Variants in VPS13A observed in about 807,000 individuals in gnomAD.
VPS13A encodes intermembrane lipid transfer protein VPS13A.
Under a neutral mutation model 390.9 loss-of-function variants are expected in VPS13A, and 264 were observed. The observed-to-expected ratio is 0.68, with a 90% CI of 0.61 to 0.75. VPS13A has a LOEUF of 0.75. Among genes scored for constraint, VPS13A ranks in the 30% least tolerant of loss-of-function variants. VPS13A has a pLI of 0.00. For missense variants in VPS13A, 3,409 were observed against 3,733.9 expected, an observed-to-expected ratio of 0.91 and a Z score of 2.27; for synonymous variants, 1,231 against 1,227.1, an observed-to-expected ratio of 1.00 and a Z score of -0.07.
intron 51 of VPS13A, among the ~76,000 whole-genome samples, chr9:77,344,749 A>G (rs926390749): frequency 6.6e-6 from 1 of 150,478 alleles, no homozygotes; most frequent in Non-Finnish European, 1.5e-5. Context: ...ACAGAGCAAG[A>G]CTCCGTCTCA....
chr9:77,236,270 C>T (rs942138354), intron 17 of VPS13A, among the ~76,000 whole-genome samples: 15 of 152,114 alleles, frequency 9.9e-5, no homozygotes, highest in African/African-American at 3.1e-4. Context: ...TAATTTCTGT[C>T]GATTTATATT....
intron 54 of VPS13A, among the ~76,000 whole-genome samples, chr9:77,354,840 C>G (rs1831675469): frequency 6.6e-6 from 1 of 152,144 alleles, no homozygotes; most frequent in Non-Finnish European, 1.5e-5. Flanking sequence ...CCAGCGTTTG[C>G]ATACTACTTG....
chr9:77,287,698 A>G (rs1337948961), intron 31 of VPS13A, among the ~76,000 whole-genome samples: 1 of 152,190 alleles, frequency 6.6e-6, no homozygotes, highest in Non-Finnish European at 1.5e-5. Flanking sequence ...AACATTTGAC[A>G]GAAATCTGAG....
chr9:77,278,022 C>A (rs1826787973), intron 26 of VPS13A, among the ~76,000 whole-genome samples: 1 of 152,024 alleles, frequency 6.6e-6, no homozygotes, highest in Non-Finnish European at 1.5e-5. Context: ...TCCCTAGTAA[C>A]CCAGGAACTT....
At chr9:77,271,720 AG>A (rs147758105) in intron 23 of VPS13A, among the ~76,000 whole-genome samples, 4,963 of 152,274 alleles carry the variant, frequency 0.033, 104 homozygotes, top group Non-Finnish European at 0.053. Context: ...AATAGAACGC[AG>A]GATTACTTGG....
intron 1 of VPS13A, among the ~76,000 whole-genome samples, chr9:77,195,260 A>G (rs138413148): frequency 0.2 from 29,830 of 151,920 alleles, 3,365 homozygotes; most frequent in East Asian, 0.4. Context: ...AGTAGCTGGT[A>G]CTGCAGGTGC....
chr9:77,220,149 A>T, intron 11 of VPS13A, 68 bp downstream of exon 11: 1 of 1,535,968 alleles, frequency 6.5e-7, no homozygotes, highest in Non-Finnish European at 8.9e-7. Flanking sequence ...AAGATTTTAA[A>T]TGTTTCACTA....
chr9:77,226,054 A>G (rs1194890135), intron 14 of VPS13A, 66 bp downstream of exon 14: 18 of 1,421,222 alleles, frequency 1.3e-5, no homozygotes, highest in African/African-American at 2.8e-5. Flanking sequence ...CAGATGTGAT[A>G]TTATTAATCT....
Position 77,321,842 on chromosome 9 carries a change from TTTTG to T in VPS13A, c.5830+100_5830+103del, listed in dbSNP as rs1468165618. On this transcript the variant is annotated intron_variant, in intron 44 of 71. Transcript: ENST00000360280. Reference sequence around the variant, plus strand: ...TTTTGTAGAATCTTAGCAAGGTTTTTTTTGTTTTTGTTTTTGTTTTTTTAAAATA... The same window carrying T: ...TTTTGTAGAATCTTAGCAAGGTTTTTTTTTTGTTTTTGTTTTTTTAAAATA... 3 of 1,352,210 alleles carry T rather than the reference TTTTG, an allele frequency of 2.2e-6. No individual in the cohort carries two copies. In the African/African-American group the frequency reaches 4.4e-5, roughly 20 times the overall value. 83.8% of individuals were successfully genotyped at this position (1,352,210 alleles called of 1,614,324 possible). A position where few individuals can be genotyped will look rare whatever the true frequency, so the allele number is the denominator to read the frequency against.
chr9:77,320,877 C>G (rs930896152), intron 42 of VPS13A, among the ~76,000 whole-genome samples: 1 of 151,936 alleles, frequency 6.6e-6, no homozygotes, highest in Non-Finnish European at 1.5e-5. Context: ...GAAGTATGTG[C>G]TTTTATATTC....
rs374375712 is a variant in VPS13A, at chr9:77,281,873, A to G, written c.2911A>G (p.Lys971Glu). The change falls in exon 28 of 72, where the codon AAG becomes GAG. Residue 971 changes from lysine (K) to glutamate (E), a missense_variant. Lys to Glu is a moderately conservative substitution (Grantham distance 56, BLOSUM62 1). Transcript: ENST00000360280. Reference protein sequence around the residue: ...LLTLEYVKAEKNVPDLKSTYN... With the variant: ...LLTLEYVKAEENVPDLKSTYN... ...TTGTTTTCTCTTTGGATAGGCTGAA[A>G]AGAATGTACCCGACTTGAAAAGTAC... 2.5e-5 allele frequency: 40 copies of G among 1,602,198 alleles called. No homozygotes were observed. Among genetic ancestry groups the G allele is most frequent in the Non-Finnish European group, 3.2e-5 (37 of 1,170,310 alleles).
At chr9:77,291,539 T>C (rs190215756) in intron 31 of VPS13A, among the ~76,000 whole-genome samples, 1 of 152,314 alleles carries the variant, frequency 6.6e-6, no homozygotes, top group East Asian at 1.9e-4. Flanking sequence ...ACATTACTGC[T>C]TCAGTTTCCT....
intron 1 of VPS13A, among the ~76,000 whole-genome samples, chr9:77,179,850 G>A (rs1441426302): frequency 6.6e-6 from 1 of 151,998 alleles, no homozygotes; most frequent in African/African-American, 2.4e-5. Flanking sequence ...TGTCCATTAG[G>A]AGTGACTCCC....
At chr9:77,354,340 A>G (rs1831639502) in intron 54 of VPS13A, among the ~76,000 whole-genome samples, 1 of 152,066 alleles carries the variant, frequency 6.6e-6, no homozygotes, top group Admixed American at 6.6e-5. Context: ...AATTGAATCA[A>G]TGCCATTTTA....
intron 47 of VPS13A, 114 bp from the exon 48 acceptor site, chr9:77,339,402 G>T (rs1482147499): frequency 1.0e-6 from 1 of 980,084 alleles, no homozygotes; most frequent in African/African-American, 1.7e-5. Flanking sequence ...GACTTGTTCT[G>T]ATAGGTATTT....
At chr9:77,359,891 A>C (rs940692925) in intron 58 of VPS13A, among the ~76,000 whole-genome samples, 1 of 151,682 alleles carries the variant, frequency 6.6e-6, no homozygotes, top group African/African-American at 2.4e-5. Context: ...GATTTTGGAT[A>C]TTTTATTATT....
intron 45 of VPS13A, 54 bp from the exon 46 acceptor site, chr9:77,331,956 A>T: frequency 7.9e-7 from 1 of 1,259,874 alleles, no homozygotes; most frequent in Non-Finnish European, 1.2e-6. Flanking sequence ...TTTTTTACAC[A>T]TCTTTAGATT....
intron 59 of VPS13A, 122 bp from the exon 60 acceptor site, chr9:77,365,338 C>A: frequency 2.9e-6 from 2 of 682,848 alleles, no homozygotes; most frequent in Non-Finnish European, 5.3e-6. Context: ...CCTTCTGAGG[C>A]AATCATAAGC....
intron 10 of VPS13A, among the ~76,000 whole-genome samples, chr9:77,214,924 T>C (rs144226129): frequency 6.6e-5 from 10 of 152,318 alleles, no homozygotes; most frequent in Non-Finnish European, 1.3e-4. Flanking sequence ...CTGCCACACC[T>C]GGCTAATCTC....
Sources: gnomAD v4.1 joint callset for allele counts (sites outside exome capture counted in the v4.1 genomes callset) on GRCh38, gnomAD v4.1.1 for gene constraint, MANE v1.5 for transcripts, NCBI Gene and HGNC (gene_info 2026-07-23, HGNC 2026-07-21) for gene names.